KDM4C: variants seen among roughly 807,000 people sequenced by gnomAD.
KDM4C encodes the protein lysine demethylase 4C, also known as lysine-specific demethylase 4C.
KDM4C carries 81 observed loss-of-function variants against 129.3 expected under a neutral mutation model. The ratio of observed to expected loss-of-function variants is 0.63; its 90% confidence interval spans 0.52 to 0.75. The LOEUF (loss-of-function observed/expected upper bound fraction) is 0.75. Ranked by LOEUF, KDM4C falls within the 30% of genes least tolerant of loss-of-function variation. KDM4C has a pLI of 0.00. For missense variants in KDM4C, 1,457 were observed against 1,304.0 expected, an observed-to-expected ratio of 1.12 and a Z score of -1.81; for synonymous variants, 573 against 456.1, an observed-to-expected ratio of 1.26 and a Z score of -3.26.
chr9:6,799,642 CTTT>C (rs1052629844), intron 2 of KDM4C, among the ~76,000 whole-genome samples: 8 of 121,508 alleles, frequency 6.6e-5, no homozygotes, highest in Non-Finnish European at 1.1e-4. Context: ...TTTTTCTTTT[CTTT>C]TTTTTTTTTT....
At chr9:7,049,890 A>G (rs1271629011) in intron 17 of KDM4C, among the ~76,000 whole-genome samples, 6 of 152,066 alleles carry the variant, frequency 3.9e-5, no homozygotes, top group African/African-American at 1.4e-4. Flanking sequence ...ACTTTCCCCA[A>G]AGTTCAACTG....
intron 18 of KDM4C, chr9:7,104,456 A>T (rs897949258): frequency 3.9e-5 from 6 of 152,238 alleles, no homozygotes; most frequent in Non-Finnish European, 8.8e-5. Context: ...ATAGAAAAAA[A>T]TAGAAAAGTA....
At position 7,001,309 on chromosome 9, in the gene KDM4C, A is replaced by T. The variant is rs1036151817; in HGVS notation, c.1787-10389A>T. Among the ~76,000 whole-genome samples, 36 of 152,232 alleles carry T rather than the reference A, an allele frequency of 2.4e-4. 1 individual carries two copies. On this transcript the variant is annotated intron_variant, in intron 12 of 21. Coordinates refer to ENST00000381309, the MANE Select transcript of KDM4C (RefSeq NM_015061.6). ...ACTTAAGGAGGAATGATTGGCTATGATATGTATATGTGTTTGAGTGTTACA... is the reference window on the plus strand; with the variant it reads ...ACTTAAGGAGGAATGATTGGCTATGTTATGTATATGTGTTTGAGTGTTACA...
chr9:6,747,036 GA>G (rs1308046657), intron 1 of KDM4C, among the ~76,000 whole-genome samples: 1 of 123,556 alleles, frequency 8.1e-6, no homozygotes, highest in African/African-American at 3.0e-5. Context: ...AAAAGAAAAA[GA>G]AAAAAATTAG....
chr9:6,862,246 T>C (rs1588771018), intron 5 of KDM4C, among the ~76,000 whole-genome samples: 2 of 152,232 alleles, frequency 1.3e-5, no homozygotes, highest in African/African-American at 4.8e-5. Context: ...TGGGTTGCCT[T>C]TGTTGTCTTC....
At chr9:6,812,428 C>T (rs1831326553) in intron 3 of KDM4C, among the ~76,000 whole-genome samples, 1 of 152,060 alleles carries the variant, frequency 6.6e-6, no homozygotes, top group Non-Finnish European at 1.5e-5. Flanking sequence ...ACCTTTTTGG[C>T]AAGGGACTGG....
chr9:6,839,785 C>G (rs1381854653), intron 4 of KDM4C, among the ~76,000 whole-genome samples: 1 of 151,872 alleles, frequency 6.6e-6, no homozygotes, highest in Non-Finnish European at 1.5e-5. Flanking sequence ...GCCTGTAATC[C>G]CAGCTACTCA....
chr9:7,016,019 C>A, intron 15 of KDM4C, 90 bp downstream of exon 15: 1 of 883,610 alleles, frequency 1.1e-6, no homozygotes, highest in Non-Finnish European at 1.8e-6. Context: ...TAAGATTGCT[C>A]AGGTGCTTAT....
At chr9:7,160,085 T>C (rs1014045093) in intron 19 of KDM4C, among the ~76,000 whole-genome samples, 2 of 152,196 alleles carry the variant, frequency 1.3e-5, no homozygotes, top group Non-Finnish European at 2.9e-5. Context: ...TATTTTGATC[T>C]TCAATCACTG....
intron 1 of KDM4C, among the ~76,000 whole-genome samples, chr9:6,777,001 A>G (rs1394574027): frequency 6.6e-6 from 1 of 151,822 alleles, no homozygotes; most frequent in African/African-American, 2.4e-5. Context: ...ATTGAGTTTG[A>G]CCCTTAAGTT....
At chr9:6,821,716 A>G (rs549971437) in intron 4 of KDM4C, among the ~76,000 whole-genome samples, 3 of 151,646 alleles carry the variant, frequency 2.0e-5, no homozygotes, top group South Asian at 2.1e-4. Context: ...CGCGGTCTCA[A>G]CCTTCACCCC....
chr9:7,113,229 C>A, intron 18 of KDM4C, among the ~76,000 whole-genome samples: 1 of 152,120 alleles, frequency 6.6e-6, no homozygotes, highest in Non-Finnish European at 1.5e-5. Flanking sequence ...AATCCCTCAC[C>A]TTTCTATCAA....
At chr9:6,925,745 C>T (rs961903094) in intron 8 of KDM4C, 1 of 584,190 alleles carries the variant, frequency 1.7e-6, no homozygotes, top group Non-Finnish European at 2.2e-6. Flanking sequence ...ATGTGAGTTA[C>T]ATAAACTTTT....
chr9:6,795,316 A>G (rs71505834), intron 2 of KDM4C, among the ~76,000 whole-genome samples: 34,996 of 151,886 alleles, frequency 0.23, 4,562 homozygotes, highest in Non-Finnish European at 0.3. Flanking sequence ...ATTAGGTTGT[A>G]TATATATATA....
At chr9:6,867,017 A>ATTTTTTTTTTTTTT (rs139668753) in intron 5 of KDM4C, among the ~76,000 whole-genome samples, 3 of 83,784 alleles carry the variant, frequency 3.6e-5, no homozygotes, top group African/African-American at 1.3e-4. Context: ...ATATATATAT[A>ATTTTTTTTTTTTTT]TTTTTTTTTT....
chr9:6,817,194 TG>T (rs1458820247), intron 4 of KDM4C, among the ~76,000 whole-genome samples: 5 of 10,666 alleles, frequency 4.7e-4, no homozygotes, highest in African/African-American at 9.8e-4. Flanking sequence ...CCCCTCCCCC[TG>T]CCCCCCCCCC....
intron 4 of KDM4C, among the ~76,000 whole-genome samples, chr9:6,821,036 C>T (rs1336122188): frequency 1.3e-5 from 2 of 152,132 alleles, no homozygotes; most frequent in African/African-American, 4.8e-5. Flanking sequence ...CATGTCCCTG[C>T]AAAGGACATG....
At position 6,748,106 on chromosome 9, in the gene KDM4C, C is replaced by T. The variant is rs546691722; in HGVS notation, c.49+27109C>T. The stretch of plus-strand genomic sequence containing the variant: ...ACCTTAATCCGGGAGGCAGAGGTTG[C>T]AGTGAGCAGAGATCGCACCACTGCA... On this transcript the variant is annotated intron_variant, in intron 1 of 17. Transcript: ENST00000536108. Among the ~76,000 whole-genome samples the T allele has an allele frequency of 4.6e-5, 7 of 151,400 alleles. No homozygotes were observed. In the East Asian group the frequency reaches 1.4e-3, roughly 29 times the overall value.
At chr9:7,118,275 A>C (rs1237169939) in intron 18 of KDM4C, among the ~76,000 whole-genome samples, 2 of 152,240 alleles carry the variant, frequency 1.3e-5, no homozygotes, top group Non-Finnish European at 2.9e-5. Context: ...ATAAAAGTAC[A>C]CGTGAACATA....
Sources: allele counts gnomAD v4.1 joint callset (sites outside exome capture counted in the v4.1 genomes callset), GRCh38; gene constraint gnomAD v4.1.1; transcripts MANE v1.5; gene names NCBI Gene and HGNC (gene_info 2026-07-23, HGNC 2026-07-21).